The following PCDHA9 variants were observed in gnomAD, a reference collection of about 807,000 sequenced individuals.
The protein encoded by PCDHA9 is protocadherin alpha-9.
Under a neutral mutation model 62.0 loss-of-function variants are expected in PCDHA9, and 62 were observed. The observed-to-expected ratio is 1.00, with a 90% CI of 0.81 to 1.23. The LOEUF (loss-of-function observed/expected upper bound fraction) is 1.23, where lower values mean the gene tolerates loss of function less well. PCDHA9 is among the 50% of genes most tolerant of loss of function. The pLI, the probability that PCDHA9 is intolerant of heterozygous loss-of-function variation, is 0.00. For synonymous variants in PCDHA9, 557 were observed against 567.6 expected, an observed-to-expected ratio of 0.98 and a Z score of 0.27; for missense variants, 1,205 against 1,249.8, an observed-to-expected ratio of 0.96 and a Z score of 0.54.
At chr5:140,958,326 A>T (rs1440413634) in intron 1 of PCDHA9, among the ~76,000 whole-genome samples, 1 of 152,150 alleles carries the variant, frequency 6.6e-6, no homozygotes, top group Non-Finnish European at 1.5e-5. Flanking sequence ...CTCAAAAAAT[A>T]AATAAATCAC....
At chr5:140,897,032 T>C (rs2065847458) in intron 1 of PCDHA9, among the ~76,000 whole-genome samples, 2 of 152,146 alleles carry the variant, frequency 1.3e-5, no homozygotes, top group Non-Finnish European at 2.9e-5. Flanking sequence ...ATTTAGACCA[T>C]AGTCACCCTA....
Position 141,010,424 on chromosome 5 carries a change from C to A in PCDHA9, c.*487C>A. ...CTTAGACTAATTGGTACAAGGAAGGCAAGAAAACAAAGACAAATAAACAGC... is the reference window on the plus strand; with the variant it reads ...CTTAGACTAATTGGTACAAGGAAGGAAAGAAAACAAAGACAAATAAACAGC... On this transcript the variant is annotated 3_prime_UTR_variant, in exon 4 of 4. Transcript: ENST00000532602. The A allele has an allele frequency of 9.0e-7, 1 of 1,113,698 alleles. No homozygotes were observed. The highest frequency in any genetic ancestry group is 1.2e-6 in the Non-Finnish European group (1 of 808,116). 69.0% of individuals were successfully genotyped at this position (1,113,698 alleles called of 1,614,324 possible). A position where few individuals can be genotyped will look rare whatever the true frequency, so the allele number is the denominator to read the frequency against.
chr5:140,870,355 T>C, intron 1 of PCDHA9: 7 of 1,614,110 alleles, frequency 4.3e-6, no homozygotes, highest in Non-Finnish European at 5.9e-6. Context: ...CGAGAACGTG[T>C]GGGCCTATGA....
chr5:140,941,256 T>TTTC (rs2092982969), intron 1 of PCDHA9, among the ~76,000 whole-genome samples: 1 of 45,974 alleles, frequency 2.2e-5, no homozygotes, highest in African/African-American at 7.5e-5. Flanking sequence ...TCTTTCTTTC[T>TTTC]CTTTCTTTCT....
intron 1 of PCDHA9, among the ~76,000 whole-genome samples, chr5:140,902,484 G>T (rs1211102117): frequency 3.3e-5 from 5 of 152,096 alleles, no homozygotes; most frequent in African/African-American, 1.2e-4. Context: ...TGCCTGCTCA[G>T]TATGATACTA....
At chr5:141,005,304 A>G (rs2098205361) in intron 3 of PCDHA9, among the ~76,000 whole-genome samples, 1 of 152,200 alleles carries the variant, frequency 6.6e-6, no homozygotes, top group Non-Finnish European at 1.5e-5. Context: ...GCCTTTGTGA[A>G]TCTTACAGTG....
intron 1 of PCDHA9, among the ~76,000 whole-genome samples, chr5:140,932,100 CTG>C (rs2088033860): frequency 6.6e-6 from 1 of 151,792 alleles, no homozygotes; most frequent in African/African-American, 2.4e-5. Context: ...GTTTTTATCT[CTG>C]TATTTCCAAT....
At position 140,856,841 on chromosome 5, in the gene PCDHA9, G is replaced by A. The variant is rs781868199; in HGVS notation, c.2394+5952G>A. On this transcript the variant is annotated intron_variant, in intron 1 of 3. Transcript: ENST00000532602. Reference sequence around the variant, plus strand: ...CCAAACATTAGTAATACGGCTCAACGCTTCTGATTCGGATGAAGGAATAAA... The same window carrying A: ...CCAAACATTAGTAATACGGCTCAACACTTCTGATTCGGATGAAGGAATAAA... 1.3e-5 allele frequency: 20 copies of A among 1,592,418 alleles called. 3 individuals are homozygous for A. The highest frequency in any genetic ancestry group is 3.4e-5 in the Admixed American group (2 of 59,178).
At chr5:140,871,192 G>GTGTACC (rs1171954428) in intron 1 of PCDHA9, 40 of 1,613,550 alleles carry the variant, frequency 2.5e-5, no homozygotes, top group Non-Finnish European at 3.1e-5. Context: ...GGATGTCAAC[G>GTGTACC]TGTACCTGAT....
At chr5:140,963,068 G>C (rs1472395054) in intron 1 of PCDHA9, among the ~76,000 whole-genome samples, 3 of 152,064 alleles carry the variant, frequency 2.0e-5, no homozygotes, top group African/African-American at 7.2e-5. Context: ...CATTGTGAAG[G>C]AGACAGAAAT....
chr5:140,869,977 T>C (rs2051552630), intron 1 of PCDHA9: 1 of 1,613,234 alleles, frequency 6.2e-7, no homozygotes, highest in Non-Finnish European at 8.5e-7. Flanking sequence ...AAGACACTTA[T>C]TTACACTAGA....
intron 1 of PCDHA9, chr5:140,968,548 G>T: frequency 6.2e-7 from 1 of 1,614,174 alleles, no homozygotes; most frequent in Non-Finnish European, 8.5e-7. Context: ...TCGAGATGGT[G>T]CCTCGAACTG....
At chr5:140,937,238 C>T (rs1339814732) in intron 1 of PCDHA9, among the ~76,000 whole-genome samples, 1 of 151,920 alleles carries the variant, frequency 6.6e-6, no homozygotes, top group Admixed American at 6.6e-5. Flanking sequence ...GGGGTTTCAC[C>T]GTGTTAGCCA....
At chr5:140,894,151 A>G (rs1554185957) in intron 1 of PCDHA9, among the ~76,000 whole-genome samples, 1 of 152,034 alleles carries the variant, frequency 6.6e-6, no homozygotes, top group Non-Finnish European at 1.5e-5. Flanking sequence ...CTTCTATGTA[A>G]TTATCCCTGA....
At chr5:140,918,823 C>T (rs2078875594) in intron 1 of PCDHA9, among the ~76,000 whole-genome samples, 2 of 11,382 alleles carry the variant, frequency 1.8e-4, no homozygotes, top group African/African-American at 5.2e-3. Context: ...AAAAAGTGGC[C>T]CCCTCCCCAG....
intron 1 of PCDHA9, among the ~76,000 whole-genome samples, chr5:140,963,787 A>G (rs155812): frequency 0.31 from 47,834 of 152,128 alleles, 7,882 homozygotes; most frequent in East Asian, 0.53. Context: ...AACAACAACA[A>G]TAATGTACTT....
chr5:140,850,622 C>G lies in PCDHA9; in HGVS notation c.2127C>G (p.Ser709Arg). ...YLIIAICAVS[S>R]LLVLTLLLYT... The stretch of plus-strand genomic sequence containing the variant: ...TCATCGCCATCTGCGCGGTGTCTAG[C>G]CTGTTGGTTCTCACGCTGCTGCTGT... The change falls in exon 1 of 4, where the codon AGC becomes AGG. Residue 709 changes from serine to arginine, a missense_variant. Ser to Arg is a moderately radical substitution (Grantham distance 110, BLOSUM62 -1). Around this residue, in one of 3 missense-constraint regions of PCDHA9, gnomAD observed 887 missense variants for 809.5 expected, o/e 1.10. Transcript: ENST00000532602. The G allele has an allele frequency of 6.3e-7, 1 of 1,598,590 alleles. No individual in the cohort carries two copies. The highest frequency in any genetic ancestry group is 8.6e-7 in the Non-Finnish European group (1 of 1,167,866).
intron 1 of PCDHA9, among the ~76,000 whole-genome samples, chr5:140,960,384 A>G (rs1204813293): frequency 6.6e-6 from 1 of 152,198 alleles, no homozygotes. Flanking sequence ...GTGCCAAGAC[A>G]TTAGGATGCA....
At chr5:140,875,859 C>G (rs1381473536) in intron 1 of PCDHA9, 1 of 1,614,038 alleles carries the variant, frequency 6.2e-7, no homozygotes, top group Non-Finnish European at 8.5e-7. Flanking sequence ...TTAACGACAA[C>G]CCGCCGGTGT....
Sources: gnomAD v4.1 joint callset for allele counts (sites outside exome capture counted in the v4.1 genomes callset) on GRCh38, gnomAD v4.1.1 for gene constraint, gnomAD v4.1.1 regional missense constraint, MANE v1.5 for transcripts, NCBI Gene and HGNC (gene_info 2026-07-23, HGNC 2026-07-21) for gene names.